The following NEB variants were observed in gnomAD, a reference collection of about 807,000 sequenced individuals.
NEB encodes nebulin, also known as nemaline myopathy type 2.
In NEB, 512 loss-of-function variants were observed where a neutral mutation model predicts 952.2. That is an observed-to-expected ratio of 0.54 (90% CI 0.50 to 0.58). The LOEUF (loss-of-function observed/expected upper bound fraction) is 0.58, where lower values mean the gene tolerates loss of function less well. Ranked by LOEUF, NEB falls within the 20% of genes least tolerant of loss-of-function variation. The pLI is 0.00. For synonymous variants in NEB, 2,900 were observed against 3,149.8 expected (o/e 0.92, Z 2.66); for missense variants, 8,428 against 9,231.1 (o/e 0.91, Z 3.56).
At chr2:151,718,947 C>T (rs1487947143) in intron 9 of NEB, among the ~76,000 whole-genome samples, 4 of 152,166 alleles carry the variant, frequency 2.6e-5, no homozygotes, top group East Asian at 1.9e-4. Context: ...AGATGCTTCA[C>T]GGCCTCGTAC....
intron 168 of NEB, among the ~76,000 whole-genome samples, chr2:151,500,710 A>T (rs370770040): frequency 6.9e-6 from 1 of 144,822 alleles, no homozygotes; most frequent in Admixed American, 7.4e-5. Context: ...TGAACCTCCC[A>T]CCTCAGCCTC....
Position 151,627,670 on chromosome 2 carries a change from T to C in NEB, c.9996A>G (p.Pro3332=), listed in dbSNP as rs201345781. 4 of 1,614,000 alleles carry C rather than the reference T, an allele frequency of 2.5e-6. No individual in the cohort carries two copies. Among genetic ancestry groups the C allele is most frequent in the African/African-American group, 2.7e-5 (2 of 75,052 alleles). The part of the protein sequence containing the change: ...FEKWKTKFSS[P]VDMLGVVLAK... ...CTAACACCACTCCCAGCATGTCCAC[T>C]GGGCTGCTGAACTTGGTCTTCCACT... Residue 3332 remains proline (P), a synonymous_variant, in exon 69 of 182, where the codon CCA becomes CCG. Coordinates refer to ENST00000397345, the MANE Select transcript of NEB (RefSeq NM_001164508.2).
chr2:151,656,116 G>A, intron 49 of NEB, 37 bp downstream of exon 49: 2 of 1,574,268 alleles, frequency 1.3e-6, no homozygotes, highest in Non-Finnish European at 1.7e-6. Flanking sequence ...TCCCATGCTA[G>A]GATTCCAACC....
In NEB at chr2:151,514,894, T is replaced by A. The variant is rs773927616; in HGVS notation, c.22940A>T (p.Lys7647Ile). The A allele has an allele frequency of 6.3e-7, 1 of 1,583,336 alleles. No individual in the cohort carries two copies. The highest frequency in any genetic ancestry group is 1.2e-5 in the South Asian group (1 of 86,498). Residue 7647 changes from lysine (K) to isoleucine (I), a missense_variant, in exon 158 of 182, where the codon AAA becomes ATA. Physicochemically the swap from Lys to Ile is moderately radical, Grantham distance 102. This residue lies in a region of NEB where 3,374 missense variants were observed against 3,651.5 expected (regional missense o/e 0.92). Coordinates refer to ENST00000397345, the MANE Select transcript of NEB (RefSeq NM_001164508.2). ...CTCCAGGCCAGTCAGGTTTCTGCCT[T>A]TAATGGACTCTTCATAATCTTTCCT... ...EYRKDYEESI[K>I]GRNLTGLEVT...
At position 151,549,714 on chromosome 2, in the gene NEB, G is replaced by A. The variant is rs1387509005; in HGVS notation, c.19971C>T (p.Thr6657=). Residue 6657 remains threonine (T), a synonymous_variant, in exon 130 of 182, where the codon ACC becomes ACT. Coordinates refer to ENST00000397345, the MANE Select transcript of NEB (RefSeq NM_001164508.2). ...CTGGAAGTCTATATCCAGTGGGCAG[G>A]GTGCGCAGGCTGGTTTTGTATAGAT... ...SSNLYKTSLR[T]LPTGYRLPGD... 1.9e-6 allele frequency: 3 copies of A among 1,593,762 alleles called. No homozygotes were observed. Among genetic ancestry groups the A allele is most frequent in the African/African-American group, 2.7e-5 (2 of 74,686 alleles).
At chr2:151,697,318 T>C (rs1004217676) in intron 15 of NEB, 32 bp downstream of exon 15, 1 of 1,610,924 alleles carries the variant, frequency 6.2e-7, no homozygotes, top group African/African-American at 1.3e-5. Flanking sequence ...AAAATGTTAT[T>C]TGGAAAGTCA....
rs544647168 is a variant in NEB, at chr2:151,610,880, C to T, written c.11806-14G>A. 56 of 1,530,664 alleles carry T rather than the reference C, an allele frequency of 3.7e-5. 1 individual carries two copies. In the Admixed American group the frequency reaches 4.7e-4, roughly 13 times the overall value. The allele number at this position is 1,530,664 out of a possible 1,614,324, so 94.8% of individuals were successfully genotyped here. On this transcript the variant is annotated splice_polypyrimidine_tract_variant and intron_variant, in intron 78 of 181. Coordinates refer to ENST00000397345, the MANE Select transcript of NEB (RefSeq NM_001164508.2). ...TGTGTATAAATGCTACAGGGCAGGG[C>T]GGCATGGGGCATGGGGAGAGGGAGG...
intron 161 of NEB, among the ~76,000 whole-genome samples, chr2:151,510,044 C>A (rs1036830305): frequency 1.1e-4 from 16 of 152,190 alleles, no homozygotes; most frequent in Non-Finnish European, 2.1e-4. Flanking sequence ...CATCTAAAGA[C>A]ATAAGTGATT....
intron 53 of NEB, 75 bp from the exon 54 acceptor site, chr2:151,650,454 C>T: frequency 2.0e-6 from 3 of 1,512,988 alleles, no homozygotes; most frequent in Non-Finnish European, 2.7e-6. Flanking sequence ...CTATGCATTA[C>T]AAACAGATGC....
intron 65 of NEB, among the ~76,000 whole-genome samples, chr2:151,633,069 T>C (rs987302102): frequency 2.6e-5 from 4 of 152,198 alleles, no homozygotes; most frequent in African/African-American, 9.7e-5. Flanking sequence ...TTTAATTCCT[T>C]CAAAGTTTAT....
chr2:151,605,851 G>T (rs1287442116), intron 84 of NEB, among the ~76,000 whole-genome samples: 4 of 96,150 alleles, frequency 4.2e-5, no homozygotes, highest in African/African-American at 1.1e-4. Context: ...GCCCAGGCTG[G>T]AACGCAATGG....
Position 151,666,110 on chromosome 2 carries a change from C to T in NEB, c.5011G>A (p.Ala1671Thr). The T allele has an allele frequency of 6.2e-7, 1 of 1,612,734 alleles. No homozygotes were observed. Among genetic ancestry groups the T allele is most frequent in the East Asian group, 2.2e-5 (1 of 44,864 alleles). ...CATACATCACTCTGAATCTGCATGG[C>T]ATTCCTGGAGTGCTCCACATTCAAG... ...DALNVEHSRNAMQIQSDNLYK... is the reference protein window; with the variant it reads ...DALNVEHSRNTMQIQSDNLYK... The change falls in exon 41 of 182, where the codon GCC (alanine) becomes ACC (threonine). Residue 1671 changes from alanine to threonine, a missense_variant. Around this residue, in one of 11 missense-constraint regions of NEB, gnomAD observed 2,851 missense variants for 2,791.5 expected, o/e 1.02. Coordinates refer to ENST00000397345, the MANE Select transcript of NEB (RefSeq NM_001164508.2).
At position 151,498,208 on chromosome 2, in the gene NEB, C is replaced by T. The variant is rs1182049534; in HGVS notation, c.24207+52G>A. ...AACAAAAATAAATAAATGTAAAGAT[C>T]AGTTTAATTCTGAAGTTAAGTGGCA... On this transcript the variant is annotated intron_variant, in intron 170 of 181. Transcript: ENST00000397345. 3.2e-6 allele frequency: 5 copies of T among 1,549,144 alleles called. No individual in the cohort carries two copies. In the African/African-American group the frequency reaches 4.1e-5, roughly 13 times the overall value.
chr2:151,728,046 G>A, intron 4 of NEB, 140 bp from the exon 5 acceptor site: 1 of 660,750 alleles, frequency 1.5e-6, no homozygotes, highest in Non-Finnish European at 2.6e-6. Context: ...GCCAAAGCAG[G>A]AAATGGCACA....
Position 151,697,196 on chromosome 2 carries a change from G to T in NEB, c.1422C>A (p.Thr474=), listed in dbSNP as rs376008654. ...EDRGKGFFPQ[T]ITQEYEAIKK... ...TAATTGCTTCATATTCTTGAGTTAT[G>T]GTCTGAGGGAAGAAGCCTTTGCCTC... The change falls in exon 16 of 182, where the codon ACC becomes ACA. Residue 474 remains threonine (T), a synonymous_variant. Coordinates refer to ENST00000397345, the MANE Select transcript of NEB (RefSeq NM_001164508.2). 6.2e-7 allele frequency: 1 copy of T among 1,613,518 alleles called. No individual in the cohort carries two copies. Among genetic ancestry groups the T allele is most frequent in the African/African-American group, 1.3e-5 (1 of 74,918 alleles).
intron 9 of NEB, among the ~76,000 whole-genome samples, chr2:151,721,419 T>A (rs952974249): frequency 1.3e-5 from 2 of 152,140 alleles, no homozygotes; most frequent in Non-Finnish European, 2.9e-5. Context: ...CCCTCAAAAC[T>A]CAGACCTCAT....
Position 151,733,103 on chromosome 2 carries a change from T to C in NEB, c.36+18A>G. The C allele has an allele frequency of 6.3e-7, 1 of 1,591,710 alleles. No homozygotes were observed. The highest frequency in any genetic ancestry group is 8.6e-7 in the Non-Finnish European group (1 of 1,168,660). On this transcript the variant is annotated intron_variant, in intron 3 of 181. Transcript: ENST00000397345. ...ACATAAAATAGTTTGCTGTCAGTGT[T>C]TTTTTTTTAAATCTTACCTCCACCA...
intron 124 of NEB, among the ~76,000 whole-genome samples, chr2:151,558,188 A>C (rs1014453413): frequency 6.6e-6 from 1 of 152,216 alleles, no homozygotes; most frequent in African/African-American, 2.4e-5. Flanking sequence ...ATACAAAATC[A>C]ATGTGCAAAA....
intron 173 of NEB, among the ~76,000 whole-genome samples, chr2:151,494,753 ATTC>A (rs2059022785): frequency 6.6e-6 from 1 of 152,076 alleles, no homozygotes; most frequent in Non-Finnish European, 1.5e-5. Context: ...GGTTCAAGTG[ATTC>A]TTCTGCCTCA....
Sources: gnomAD v4.1 joint callset for allele counts (sites outside exome capture counted in the v4.1 genomes callset) on GRCh38, gnomAD v4.1.1 for gene constraint, gnomAD v4.1.1 regional missense constraint, MANE v1.5 for transcripts, NCBI Gene and HGNC (gene_info 2026-07-23, HGNC 2026-07-21) for gene names.